The following TRPV1 variants were observed in gnomAD, a reference collection of about 807,000 sequenced individuals.
TRPV1 encodes OTRPC1.
In TRPV1, 82 loss-of-function variants were observed where a neutral mutation model predicts 82.3. The ratio of observed to expected loss-of-function variants is 1.00; its 90% CI spans 0.83 to 1.20. The LOEUF (loss-of-function observed/expected upper bound fraction) is 1.20. TRPV1 is among the 50% of genes most tolerant of loss of function. The pLI is 0.00. For missense variants in TRPV1, 1,067 were observed against 1,096.8 expected (o/e 0.97, Z 0.38); for synonymous variants, 515 against 467.7 (o/e 1.10, Z -1.30).
intron 10 of TRPV1, among the ~76,000 whole-genome samples, 186 bp from the exon 11 acceptor site, chr17:3,580,713 A>T (rs1285440767): frequency 6.6e-6 from 1 of 152,196 alleles, no homozygotes; most frequent in Non-Finnish European, 1.5e-5. Context: ...GTCAGTAGAG[A>T]TGGTTAAAAA....
Position 3,573,952 on chromosome 17 carries a change from A to C in TRPV1, c.1784T>G (p.Val595Gly), listed in dbSNP as rs1597514746. Residue 595 changes from valine to glycine, a missense_variant, in exon 14 of 17, where the codon GTG becomes GGG. Physicochemically the swap from Val to Gly is moderately radical, Grantham distance 109. Transcript: ENST00000572705. Reference protein sequence around the residue: ...IVFLFGFSTAVVTLIEDGKND... With the variant: ...IVFLFGFSTAGVTLIEDGKND... ...CTTCCCGTCTTCAATCAGCGTCACCACCGCTACAGGGCACAGGGAGGGCGG... is the reference window on the plus strand; with the variant it reads ...CTTCCCGTCTTCAATCAGCGTCACCCCCGCTACAGGGCACAGGGAGGGCGG... The C allele has an allele frequency of 6.3e-7, 1 of 1,599,754 alleles. No individual in the cohort carries two copies. The highest frequency in any genetic ancestry group is 8.5e-7 in the Non-Finnish European group (1 of 1,174,778).
chr17:3,577,404 G>A lies in TRPV1; in HGVS notation c.1713+194C>T, dbSNP rs116450217. Among the ~76,000 whole-genome samples the A allele has an allele frequency of 5.6e-3, 849 of 152,248 alleles. 7 individuals carry two copies. Among genetic ancestry groups the A allele is most frequent in the African/African-American group, 0.019 (806 of 41,546 alleles). ...GATGGAGGCCTGGTGTGCAGGGGGG[G>A]TCAGGTTTCAGGGGACCCCCCTACA... On this transcript the variant is annotated intron_variant, in intron 12 of 16. Coordinates refer to ENST00000572705, the MANE Select transcript of TRPV1 (RefSeq NM_080704.4).
chr17:3,595,070 A>G (rs969806472), intron 2 of TRPV1, among the ~76,000 whole-genome samples: 7 of 152,096 alleles, frequency 4.6e-5, no homozygotes, highest in Non-Finnish European at 8.8e-5. Flanking sequence ...CTTTCTGAAG[A>G]TAACACCCCG....
rs536757593 is a variant in TRPV1 at position 3,577,406 on chromosome 17, C to G, written c.1713+192G>C. 8.4e-4 allele frequency among the ~76,000 whole-genome samples: 128 copies of G among 152,194 alleles called. 2 individuals carry two copies. In the Middle Eastern group the frequency reaches 0.02, roughly 24 times the overall value. On this transcript the variant is annotated intron_variant, in intron 12 of 16. Transcript: ENST00000572705. ...TGGAGGCCTGGTGTGCAGGGGGGGTCAGGTTTCAGGGGACCCCCCTACACA... is the reference window on the plus strand; with the variant it reads ...TGGAGGCCTGGTGTGCAGGGGGGGTGAGGTTTCAGGGGACCCCCCTACACA...
intron 2 of TRPV1, among the ~76,000 whole-genome samples, chr17:3,601,561 C>A (rs894397335): frequency 1.3e-5 from 2 of 152,022 alleles, no homozygotes; most frequent in African/African-American, 4.8e-5. Flanking sequence ...TGCTCAAATC[C>A]CACCTTCTCC....
chr17:3,581,967 G>A (rs556362137), intron 10 of TRPV1, among the ~76,000 whole-genome samples: 1,513 of 144,628 alleles, frequency 0.01, 21 homozygotes, highest in Non-Finnish European at 0.012. Flanking sequence ...AAGGTGGGCG[G>A]ATCACGAGGT....
intron 9 of TRPV1, among the ~76,000 whole-genome samples, chr17:3,584,284 CAAAAAA>C (rs906991706): frequency 1.4e-5 from 2 of 145,194 alleles, no homozygotes; most frequent in African/African-American, 5.1e-5. Context: ...AAACAAAAAA[CAAAAAA>C]AAAGAGGGAG....
At chr17:3,587,867 G>GT (rs983274401) in intron 8 of TRPV1, among the ~76,000 whole-genome samples, 3 of 150,486 alleles carry the variant, frequency 2.0e-5, no homozygotes, top group African/African-American at 7.3e-5. Context: ...AAAAAAAAAG[G>GT]TTGTTGTACA....
rs1213697028 is a variant in TRPV1 at position 3,570,366 on chromosome 17, T to C, written c.2347+1158A>G. ...GCCTGGGCAACAGAGTGAGACTCCA[T>C]CTCAGGAAAAAAAAAAAAAAAAGTT... On this transcript the variant is annotated intron_variant, in intron 16 of 16. Coordinates refer to ENST00000572705, the MANE Select transcript of TRPV1 (RefSeq NM_080704.4). Among the ~76,000 whole-genome samples the C allele has an allele frequency of 2.3e-5, 3 of 129,384 alleles. No individual in the cohort carries two copies. In the East Asian group the frequency reaches 6.4e-4, roughly 28 times the overall value. 84.9% of individuals were successfully genotyped at this position (129,384 alleles called of 152,430 possible). A position where few individuals can be genotyped will look rare whatever the true frequency, so the allele number is the denominator to read the frequency against.
chr17:3,570,177 G>A (rs2074833550), intron 16 of TRPV1, among the ~76,000 whole-genome samples: 2 of 152,162 alleles, frequency 1.3e-5, no homozygotes, highest in African/African-American at 4.8e-5. Flanking sequence ...AGACCAACCT[G>A]GCCAACATGG....
rs2150847401 is a variant in TRPV1 at position 3,590,046 on chromosome 17, G to A, written c.805C>T (p.Leu269=). 6.3e-7 allele frequency: 1 copy of A among 1,590,426 alleles called. No individual in the cohort carries two copies. The highest frequency in any genetic ancestry group is 8.6e-7 in the Non-Finnish European group (1 of 1,169,060). Residue 269 remains leucine (L), a synonymous_variant, in exon 7 of 17, where the codon CTG becomes TTG. Transcript: ENST00000572705. ...TNQLGIVKFL[L]QNSWQTADIS... is the part of the protein sequence containing the mutation. The stretch of plus-strand genomic sequence containing the variant: ...TCGGCCGTCTGCCAGGAGTTCTGCA[G>A]CAGGAACTTCACGATGCCCAGCTGG...
chr17:3,588,445 C>T, intron 7 of TRPV1, 78 bp from the exon 8 acceptor site: 1 of 1,476,528 alleles, frequency 6.8e-7, no homozygotes, highest in Non-Finnish European at 9.1e-7. Context: ...ACCAGCTCTG[C>T]TTCCCAGCCC....
intron 8 of TRPV1, among the ~76,000 whole-genome samples, 156 bp from the exon 9 acceptor site, chr17:3,586,082 G>A (rs1163128602): frequency 6.6e-6 from 1 of 152,262 alleles, no homozygotes; most frequent in African/African-American, 2.4e-5. Context: ...GGCAGCCATA[G>A]CCTGGGGCTG....
At chr17:3,580,633 G>T in intron 10 of TRPV1, 106 bp from the exon 11 acceptor site, 1 of 1,174,848 alleles carries the variant, frequency 8.5e-7, no homozygotes, top group Non-Finnish European at 1.3e-6. Flanking sequence ...GGTCGAATGT[G>T]TGAAAGCACA....
At chr17:3,576,864 A>G (rs913461015) in intron 13 of TRPV1, among the ~76,000 whole-genome samples, 1 of 149,910 alleles carries the variant, frequency 6.7e-6, no homozygotes, top group Non-Finnish European at 1.5e-5. Context: ...AAAAAAAAAA[A>G]AAAAAAGTTG....
chr17:3,577,641 C>T lies in TRPV1; in HGVS notation c.1670G>A (p.Arg557His), dbSNP rs777215453. The stretch of plus-strand genomic sequence containing the variant: ...ATAGATGCCCATCTGCTGGAAACCG[C>T]GGGTGTAGTAGAGCATGTTGGTCCA... ...LGWTNMLYYT[R>H]GFQQMGIYAV... is the part of the protein sequence containing the mutation. The change falls in exon 12 of 17, where the codon CGC becomes CAC. Residue 557 changes from arginine to histidine, a missense_variant. Transcript: ENST00000572705. 3.2e-6 allele frequency: 5 copies of T among 1,584,716 alleles called. No homozygotes were observed. Among genetic ancestry groups the T allele is most frequent in the East Asian group, 2.3e-5 (1 of 43,336 alleles).
At chr17:3,583,214 C>A in intron 10 of TRPV1, 124 bp downstream of exon 10, 1 of 888,444 alleles carries the variant, frequency 1.1e-6, no homozygotes, top group Non-Finnish European at 1.7e-6. Flanking sequence ...CTCTGCGTCT[C>A]TCAGCTCCCC....
At position 3,567,391 on chromosome 17, in the gene TRPV1, AG is replaced by A. The variant is rs1354661687; in HGVS notation, c.2348-405del. 2.5e-3 allele frequency among the ~76,000 whole-genome samples: 321 copies of A among 130,342 alleles called. 1 individual carries two copies. The highest frequency in any genetic ancestry group is 0.022 in the East Asian group (94 of 4,232). 85.5% of individuals were successfully genotyped at this position (130,342 alleles called of 152,430 possible). A position where few individuals can be genotyped will look rare whatever the true frequency, so the allele number is the denominator to read the frequency against. ...TCTCAAAAAAAAAAAAAAAAAAAAA[AG>A]AAGAAGAAGAAGAAAGAAAGAAAGA... On this transcript the variant is annotated intron_variant, in intron 16 of 16. Transcript: ENST00000572705.
chr17:3,575,697 A>G (rs967920340), intron 13 of TRPV1, among the ~76,000 whole-genome samples: 1 of 152,174 alleles, frequency 6.6e-6, no homozygotes, highest in Non-Finnish European at 1.5e-5. Flanking sequence ...AAACCAAGTC[A>G]TCAAAGCTAA....
Sources: gnomAD v4.1 joint callset for allele counts (sites outside exome capture counted in the v4.1 genomes callset) on GRCh38, gnomAD v4.1.1 for gene constraint, MANE v1.5 for transcripts, NCBI Gene and HGNC (gene_info 2026-07-23, HGNC 2026-07-21) for gene names.